The following PRELID2 variants were observed in gnomAD, a reference collection of about 807,000 sequenced individuals.
PRELID2 encodes PRELI domain containing 2.
In PRELID2, 25 loss-of-function variants were observed where a neutral mutation model predicts 28.4. The ratio of observed to expected loss-of-function variants is 0.88; its 90% CI spans 0.64 to 1.23. The LOEUF (loss-of-function observed/expected upper bound fraction) is 1.23. PRELID2 is among the 50% of genes most tolerant of loss of function. The pLI is 0.00. For synonymous variants in PRELID2, 76 were observed against 71.6 expected, an observed-to-expected ratio of 1.06 and a Z score of -0.31; for missense variants, 201 against 214.4, an observed-to-expected ratio of 0.94 and a Z score of 0.39.
At chr5:145,530,055 T>A (rs1372056759) in intron 1 of PRELID2, among the ~76,000 whole-genome samples, 1 of 152,110 alleles carries the variant, frequency 6.6e-6, no homozygotes, top group Non-Finnish European at 1.5e-5. Context: ...CACATCTATT[T>A]TTCCTCTGAT....
chr5:145,647,180 C>G (rs115474497), intron 1 of PRELID2, among the ~76,000 whole-genome samples: 13,003 of 152,236 alleles, frequency 0.085, 785 homozygotes, highest in Admixed American at 0.19. Flanking sequence ...TAAGTGCCGA[C>G]TGGGGCTGCT....
the PRELID2 span, among the ~76,000 whole-genome samples, chr5:145,368,782 T>C: frequency 6.6e-6 from 1 of 151,854 alleles, no homozygotes; most frequent in Non-Finnish European, 1.5e-5. Flanking sequence ...TGCAGTCTCT[T>C]TCATTTTTTT....
At chr5:145,417,134 T>C in the PRELID2 span, among the ~76,000 whole-genome samples, 25 of 152,090 alleles carry the variant, frequency 1.6e-4, no homozygotes, top group Middle Eastern at 3.4e-3. Flanking sequence ...TCTATGCACA[T>C]AAACTAGAAA....
At chr5:145,820,887 A>G (rs1754734761) in intron 2 of PRELID2, among the ~76,000 whole-genome samples, 1 of 152,150 alleles carries the variant, frequency 6.6e-6, no homozygotes, top group South Asian at 2.1e-4. Context: ...ACCAGTTAGA[A>G]GACAGCCAAG....
At chr5:145,529,394 C>T (rs534646356) in intron 1 of PRELID2, among the ~76,000 whole-genome samples, 23 of 152,168 alleles carry the variant, frequency 1.5e-4, no homozygotes, top group South Asian at 4.1e-4. Flanking sequence ...GTTGTTAAGA[C>T]GGCATGAGAA....
chr5:145,815,331 T>C (rs1447166707), intron 4 of PRELID2, among the ~76,000 whole-genome samples: 1 of 152,236 alleles, frequency 6.6e-6, no homozygotes, highest in East Asian at 1.9e-4. Flanking sequence ...ATTCTTGTTA[T>C]AGCAGGCAAA....
At chr5:145,677,203 G>A (rs1161343297) in intron 1 of PRELID2, among the ~76,000 whole-genome samples, 2 of 135,802 alleles carry the variant, frequency 1.5e-5, no homozygotes, top group African/African-American at 5.6e-5. Context: ...CATCCAGGCT[G>A]GAGTGCAGTG....
the PRELID2 span, among the ~76,000 whole-genome samples, chr5:145,259,281 C>A: frequency 6.6e-6 from 1 of 152,152 alleles, no homozygotes; most frequent in Non-Finnish European, 1.5e-5. Context: ...TGGGGCACTG[C>A]CTAGTGGAGC....
At chr5:145,668,239 C>CAGCCAAAGAGAAGATTCTGTCTCCAGT (rs1227048143) in intron 1 of PRELID2, among the ~76,000 whole-genome samples, 44 of 152,120 alleles carry the variant, frequency 2.9e-4, no homozygotes, top group Admixed American at 9.2e-4. Context: ...AGGGAGGCCA[C>CAGCCAAAGAGAAGATTCTGTCTCCAGT]AGCCAAAGAG....
At chr5:145,287,782 G>C in the PRELID2 span, among the ~76,000 whole-genome samples, 1 of 152,090 alleles carries the variant, frequency 6.6e-6, no homozygotes, top group Non-Finnish European at 1.5e-5. Context: ...AGTTGTACCT[G>C]ATGTTCTTTT....
chr5:145,435,662 C>T, the PRELID2 span, among the ~76,000 whole-genome samples: 1 of 152,108 alleles, frequency 6.6e-6, no homozygotes, highest in Non-Finnish European at 1.5e-5. Context: ...TGCTCTTCCT[C>T]GTTCTTTGCC....
chr5:145,699,017 G>A (rs911851489), intron 1 of PRELID2, among the ~76,000 whole-genome samples: 2 of 152,162 alleles, frequency 1.3e-5, no homozygotes, highest in Non-Finnish European at 1.5e-5. Flanking sequence ...GTGAGCCACC[G>A]CACCTGGCCA....
At chr5:145,602,259 T>C (rs1438501756) in intron 1 of PRELID2, among the ~76,000 whole-genome samples, 2 of 152,176 alleles carry the variant, frequency 1.3e-5, no homozygotes, top group Non-Finnish European at 1.5e-5. Context: ...CCAAGACAGA[T>C]AGCACATAGG....
chr5:145,408,724 T>C, the PRELID2 span, among the ~76,000 whole-genome samples: 1 of 152,054 alleles, frequency 6.6e-6, no homozygotes, highest in Non-Finnish European at 1.5e-5. Context: ...GGATTATGTT[T>C]AACGATCAGA....
intron 1 of PRELID2, among the ~76,000 whole-genome samples, chr5:145,829,611 C>T (rs1235036159): frequency 1.3e-5 from 2 of 152,136 alleles, no homozygotes; most frequent in African/African-American, 4.8e-5. Flanking sequence ...AATGAACTGA[C>T]CTGTCCAAGC....
chr5:145,616,474 G>A (rs1821267), intron 1 of PRELID2, among the ~76,000 whole-genome samples: 19,644 of 151,968 alleles, frequency 0.13, 1,808 homozygotes, highest in African/African-American at 0.23. Flanking sequence ...CCTAAGTGTC[G>A]GCCGGTCTGA....
At chr5:145,426,452 A>G in the PRELID2 span, among the ~76,000 whole-genome samples, 157 of 152,308 alleles carry the variant, frequency 1.0e-3, no homozygotes, top group African/African-American at 3.5e-3. Context: ...CAGAATCTAC[A>G]TCTAACTTTT....
chr5:145,393,302 G>A, the PRELID2 span, among the ~76,000 whole-genome samples: 192 of 152,208 alleles, frequency 1.3e-3, 3 homozygotes, highest in South Asian at 0.026. Context: ...CTCTTCAGGG[G>A]AAATATAACT....
chr5:145,763,190 G>C (rs1043366537), intron 6 of PRELID2, among the ~76,000 whole-genome samples: 7 of 152,176 alleles, frequency 4.6e-5, no homozygotes, highest in Admixed American at 6.5e-5. Flanking sequence ...GCTGACTCGA[G>C]ATCCCACCCT....
Sources: allele counts gnomAD v4.1 joint callset (sites outside exome capture counted in the v4.1 genomes callset), GRCh38; gene constraint gnomAD v4.1.1; transcripts MANE v1.5; gene names NCBI Gene and HGNC (gene_info 2026-07-23, HGNC 2026-07-21).